Variants in OTOG observed in about 807,000 individuals in gnomAD.
The protein encoded by OTOG is otogelin.
OTOG carries 296 observed loss-of-function variants against 313.8 expected under a neutral mutation model. That is an observed-to-expected ratio of 0.94 (90% CI 0.86 to 1.04). OTOG has a LOEUF of 1.04. Ranked by LOEUF, OTOG falls within the 50% of genes least tolerant of loss-of-function variation. The probability of loss-of-function intolerance (pLI) is 0.00; values close to 1 mark genes in which losing one functional copy is unlikely to be tolerated. For missense variants in OTOG, 3,948 were observed against 3,840.1 expected (o/e 1.03, Z -0.74); for synonymous variants, 1,533 against 1,554.9 (o/e 0.99, Z 0.33).
intron 17 of OTOG, 139 bp downstream of exon 17, chr11:17,570,529 C>T: frequency 1.3e-6 from 1 of 798,874 alleles, no homozygotes; most frequent in Non-Finnish European, 1.9e-6. Flanking sequence ...GATTTCTCTA[C>T]ATTTAAATTT....
chr11:17,619,341 G>C (rs1211290970), intron 39 of OTOG, among the ~76,000 whole-genome samples: 1 of 152,162 alleles, frequency 6.6e-6, no homozygotes, highest in African/African-American at 2.4e-5. Flanking sequence ...AGTTTTTAAA[G>C]ATCCAATCTG....
chr11:17,629,239 T>C lies in OTOG; in HGVS notation c.6635T>C (p.Ile2212Thr). ...ATCCTGACTCCCTCAGACATCCAGA[T>C]CCAGTGGCTCCACAGCTCAGGACTC... ...YMILTPSDIQ[I>T]QWLHSSGLMI... The change falls in exon 40 of 56, where the codon ATC becomes ACC. Residue 2212 changes from isoleucine (I) to threonine (T), a missense_variant. Physicochemically the swap from Ile to Thr is moderately conservative, Grantham distance 89 (BLOSUM62 -1). Coordinates refer to ENST00000399397, the MANE Select transcript of OTOG (RefSeq NM_001292063.2). 6.4e-7 allele frequency: 1 copy of C among 1,550,580 alleles called. No homozygotes were observed. Among genetic ancestry groups the C allele is most frequent in the Non-Finnish European group, 8.7e-7 (1 of 1,146,996 alleles).
chr11:17,557,182 C>T lies in OTOG; in HGVS notation c.724C>T (p.Arg242Trp), dbSNP rs1042721604. ...GCAGCTTGCCGGCTATGTCATCGTG[C>T]GGCATCAGTCAGCCTTCACACTGGC... ...LQQLAGYVIV[R>W]HQSAFTLAWD... The change falls in exon 8 of 56, where the codon CGG becomes TGG. Residue 242 changes from arginine to tryptophan, a missense_variant. Transcript: ENST00000399397. The T allele has an allele frequency of 1.4e-5, 22 of 1,550,510 alleles. No individual in the cohort carries two copies. The highest frequency in any genetic ancestry group is 7.3e-5 in the East Asian group (3 of 40,930).
chr11:17,598,756 T>A (rs1230485383), intron 30 of OTOG, among the ~76,000 whole-genome samples: 2 of 152,196 alleles, frequency 1.3e-5, no homozygotes, highest in East Asian at 3.8e-4. Flanking sequence ...GGGTATACCC[T>A]GGAAACCAGA....
chr11:17,611,144 G>C lies in OTOG; in HGVS notation c.5844G>C (p.Glu1948Asp), dbSNP rs967750865. 4 of 1,550,368 alleles carry C rather than the reference G, an allele frequency of 2.6e-6. No homozygotes were observed. The highest frequency in any genetic ancestry group is 3.5e-6 in the Non-Finnish European group (4 of 1,146,940). ...ACCCTCTCACGCCCTTGGTGGCTGA[G>C]CCCGAGGGAGCCCAGGCAGGCACAG... Reference protein sequence around the residue: ...TSHPLTPLVAEPEGAQAGTAL... With the variant: ...TSHPLTPLVADPEGAQAGTAL... The change falls in exon 36 of 56, where the codon GAG (glutamate) becomes GAC (aspartate). Residue 1948 changes from glutamate to aspartate, a missense_variant. Transcript: ENST00000399397.
intron 39 of OTOG, among the ~76,000 whole-genome samples, chr11:17,628,646 G>A (rs1454528662): frequency 6.6e-6 from 1 of 152,200 alleles, no homozygotes; most frequent in East Asian, 1.9e-4. Flanking sequence ...CAGTTCACTG[G>A]ATATCTTGAT....
At chr11:17,601,431 C>T (rs1186934979) in intron 31 of OTOG, among the ~76,000 whole-genome samples, 1 of 151,216 alleles carries the variant, frequency 6.6e-6, no homozygotes, top group Non-Finnish European at 1.5e-5. Flanking sequence ...AACACCACTG[C>T]TCCTTCCAGG....
At position 17,612,327 on chromosome 11, in the gene OTOG, G is replaced by A. The variant is rs1460321218; in HGVS notation, c.6289G>A (p.Ala2097Thr). The A allele has an allele frequency of 2.0e-6, 3 of 1,531,440 alleles. No individual in the cohort carries two copies. The highest frequency in any genetic ancestry group is 2.6e-6 in the Non-Finnish European group (3 of 1,142,742). The allele number at this position is 1,531,440 out of a possible 1,614,324, so 94.9% of individuals were successfully genotyped here. A position where few individuals can be genotyped will look rare whatever the true frequency, so the allele number is the denominator to read the frequency against. The change falls in exon 37 of 56, where the codon GCC becomes ACC. Residue 2097 changes from alanine to threonine, a missense_variant. Transcript: ENST00000399397. ...CCGCTGCTGCCCACTCTGGGAGTGT[G>A]CCTGTGAGTCATGGGATCAGCGGAG... ...GDRCCPLWECACRCSIFPDLS... is the reference protein window; with the variant it reads ...GDRCCPLWECTCRCSIFPDLS...
chr11:17,593,248 C>T lies in OTOG; in HGVS notation c.3062C>T (p.Ser1021Phe), dbSNP rs569953721. Reference sequence around the variant, plus strand: ...GTAGAGAATGTGAACTGCTACAGCTCTGGCATGATCTGCAGGAAATTTATT... The same window carrying T: ...GTAGAGAATGTGAACTGCTACAGCTTTGGCATGATCTGCAGGAAATTTATT... ...VIVENVNCYS[S>F]GMICRKFISI... Residue 1021 changes from serine (S) to phenylalanine (F), a missense_variant, in exon 26 of 56, where the codon TCT (serine) becomes TTT (phenylalanine). Coordinates refer to ENST00000399397, the MANE Select transcript of OTOG (RefSeq NM_001292063.2). 6.5e-7 allele frequency: 1 copy of T among 1,550,070 alleles called. No individual in the cohort carries two copies. Among genetic ancestry groups the T allele is most frequent in the Non-Finnish European group, 8.7e-7 (1 of 1,146,488 alleles).
intron 23 of OTOG, among the ~76,000 whole-genome samples, chr11:17,585,126 T>G (rs541944683): frequency 1.3e-5 from 2 of 152,374 alleles, no homozygotes; most frequent in South Asian, 4.1e-4. Flanking sequence ...CTTCCTTAAG[T>G]GCCTGGTAGA....
At chr11:17,624,469 C>T (rs1294392671) in intron 39 of OTOG, among the ~76,000 whole-genome samples, 1 of 151,994 alleles carries the variant, frequency 6.6e-6, no homozygotes, top group Non-Finnish European at 1.5e-5. Context: ...CTGTAGGTGT[C>T]TGGCCTTATT....
In OTOG at chr11:17,573,306, A is replaced by G; in HGVS notation, c.2293+16A>G. Reference sequence around the variant, plus strand: ...CCAGCCTGTGGTGAGTGCCCCACCCATGTGAGGCTGAGCTGGAGGAGCCAG... The same window carrying G: ...CCAGCCTGTGGTGAGTGCCCCACCCGTGTGAGGCTGAGCTGGAGGAGCCAG... On this transcript the variant is annotated intron_variant, in intron 19 of 55. Coordinates refer to ENST00000399397, the MANE Select transcript of OTOG (RefSeq NM_001292063.2). 1.3e-6 allele frequency: 2 copies of G among 1,507,734 alleles called. No homozygotes were observed. Among genetic ancestry groups the G allele is most frequent in the South Asian group, 2.5e-5 (2 of 80,920 alleles). 93.4% of individuals were successfully genotyped at this position (1,507,734 alleles called of 1,614,324 possible). A position where few individuals can be genotyped will look rare whatever the true frequency, so the allele number is the denominator to read the frequency against.
chr11:17,574,696 T>G (rs925298630), intron 19 of OTOG, 24 bp from the exon 20 acceptor site: 2 of 1,542,778 alleles, frequency 1.3e-6, no homozygotes, highest in African/African-American at 2.7e-5. Flanking sequence ...AGACAAAGCA[T>G]GCACCACTCC....
Position 17,612,605 on chromosome 11 carries a change from C to A in OTOG, c.6293-15C>A. 1 of 1,547,688 alleles carries A rather than the reference C, an allele frequency of 6.5e-7. No individual in the cohort carries two copies. On this transcript the variant is annotated splice_polypyrimidine_tract_variant and intron_variant, in intron 37 of 55. Coordinates refer to ENST00000399397, the MANE Select transcript of OTOG (RefSeq NM_001292063.2). Reference sequence around the variant, plus strand: ...GGCATCCACCTATTCTTCTTGTGCCCTGCCCCTCCCCCAGGCCGGTGCTCA... The same window carrying A: ...GGCATCCACCTATTCTTCTTGTGCCATGCCCCTCCCCCAGGCCGGTGCTCA...
chr11:17,617,895 T>C (rs996635126), intron 39 of OTOG, among the ~76,000 whole-genome samples: 3 of 151,994 alleles, frequency 2.0e-5, no homozygotes, highest in African/African-American at 7.2e-5. Context: ...TGTCATTAAT[T>C]TGAGAACTTT....
At chr11:17,592,484 C>A (rs1399273900) in intron 25 of OTOG, among the ~76,000 whole-genome samples, 2 of 152,156 alleles carry the variant, frequency 1.3e-5, no homozygotes, top group Non-Finnish European at 2.9e-5. Flanking sequence ...GTTCCTATCT[C>A]CTGTTAAATA....
Position 17,558,594 on chromosome 11 carries a change from C to A in OTOG, c.1053C>A (p.Ala351=). The part of the protein sequence containing the change: ...LLRPPFDACH[A]YVSPLPFTAS... ...GGCCCCCCTTTGACGCCTGCCACGC[C>A]TACGTCAGCCCTCTGCCCTTCACAG... Residue 351 remains alanine (A), a synonymous_variant, in exon 10 of 56, where the codon GCC becomes GCA. Coordinates refer to ENST00000399397, the MANE Select transcript of OTOG (RefSeq NM_001292063.2). The A allele has an allele frequency of 1.3e-6, 2 of 1,550,472 alleles. No individual in the cohort carries two copies. Among genetic ancestry groups the A allele is most frequent in the Non-Finnish European group, 1.7e-6 (2 of 1,147,002 alleles).
intron 23 of OTOG, among the ~76,000 whole-genome samples, chr11:17,583,258 C>T (rs944087794): frequency 2.0e-5 from 3 of 152,116 alleles, no homozygotes; most frequent in Non-Finnish European, 2.9e-5. Context: ...CCTCAGCCTC[C>T]TGAGTAGCTA....
chr11:17,567,903 T>C (rs920491618), intron 15 of OTOG, among the ~76,000 whole-genome samples: 1 of 103,640 alleles, frequency 9.6e-6, no homozygotes, highest in Non-Finnish European at 2.2e-5. Flanking sequence ...CTTTCTTTTC[T>C]TTTCTTTTCT....
Sources: gnomAD v4.1 joint callset for allele counts (sites outside exome capture counted in the v4.1 genomes callset) on GRCh38, gnomAD v4.1.1 for gene constraint, MANE v1.5 for transcripts, NCBI Gene and HGNC (gene_info 2026-07-23, HGNC 2026-07-21) for gene names.